PRKG1: variants seen among roughly 807,000 people sequenced by gnomAD.
The protein encoded by PRKG1 is cGMP-dependent protein kinase 1.
A neutral mutation model predicts 88.1 loss-of-function variants in PRKG1; 35 were observed. That is an observed-to-expected ratio of 0.40 (90% CI 0.30 to 0.53). The LOEUF is 0.53. PRKG1 is among the 20% of genes least tolerant of loss of function. The pLI is 0.59. For synonymous variants in PRKG1, 303 were observed against 292.5 expected (o/e 1.04, Z -0.37); for missense variants, 540 against 839.8 (o/e 0.64, Z 4.41).
At chr10:51,829,496 A>G (rs1589328517) in intron 4 of PRKG1, among the ~76,000 whole-genome samples, 1 of 152,200 alleles carries the variant, frequency 6.6e-6, no homozygotes, top group African/African-American at 2.4e-5. Context: ...TTTAACAGCA[A>G]TAAGGAAAAT....
chr10:51,205,157 T>TTTTTTTTTTTTTTTTTTTTTTTGTTTG (rs1838022813), intron 2 of PRKG1, among the ~76,000 whole-genome samples: 1 of 128,066 alleles, frequency 7.8e-6, no homozygotes, highest in Admixed American at 7.8e-5. Flanking sequence ...TTTTTTTTTT[T>TTTTTTTTTTTTTTTTTTTTTTTGTTTG]GAGACAGAGT....
At chr10:51,570,797 A>C (rs751836331) in intron 3 of PRKG1, among the ~76,000 whole-genome samples, 19 of 152,004 alleles carry the variant, frequency 1.2e-4, no homozygotes, top group Non-Finnish European at 2.4e-4. Context: ...AAAAGAAATG[A>C]GATCACTTCT....
At chr10:52,081,015 C>G (rs116738831) in intron 7 of PRKG1, among the ~76,000 whole-genome samples, 2,655 of 149,434 alleles carry the variant, frequency 0.018, 98 homozygotes, top group African/African-American at 0.064. Context: ...CAACTTCTCC[C>G]TGTGTTCAGT....
chr10:52,172,774 G>C (rs1362461474), intron 9 of PRKG1, among the ~76,000 whole-genome samples: 2 of 152,202 alleles, frequency 1.3e-5, no homozygotes, highest in African/African-American at 4.8e-5. Flanking sequence ...AGCAAGGCTA[G>C]AAGTGCTGAA....
intron 1 of PRKG1, among the ~76,000 whole-genome samples, chr10:51,120,982 A>G (rs1564608234): frequency 6.6e-6 from 1 of 152,156 alleles, no homozygotes; most frequent in Admixed American, 6.6e-5. Context: ...GCTCTAGCAA[A>G]GAATCTGTTC....
intron 1 of PRKG1, among the ~76,000 whole-genome samples, chr10:51,041,187 T>A (rs1843415621): frequency 6.6e-6 from 1 of 152,104 alleles, no homozygotes; most frequent in Non-Finnish European, 1.5e-5. Context: ...TTGTGGTGAA[T>A]GATGCCAGGC....
chr10:50,995,761 G>A (rs926746076), intron 1 of PRKG1, among the ~76,000 whole-genome samples: 5 of 152,162 alleles, frequency 3.3e-5, no homozygotes. Flanking sequence ...TTTAAGGAAA[G>A]GCTAGAATCA....
intron 1 of PRKG1, among the ~76,000 whole-genome samples, chr10:51,152,146 T>C (rs1431277474): frequency 2.0e-5 from 3 of 152,096 alleles, no homozygotes; most frequent in South Asian, 2.1e-4. Context: ...TTTGCATTCT[T>C]AGAAAGTCAT....
chr10:51,248,957 A>C lies in PRKG1; in HGVS notation c.478+95627A>C, dbSNP rs190946498. ...TGAGAAATTGGTGATTGAGTAATCA[A>C]GACCCCGGTCAGATTACAGACAAAA... On this transcript the variant is annotated intron_variant, in intron 2 of 17. Coordinates refer to ENST00000373980, the MANE Select transcript of PRKG1 (RefSeq NM_006258.4). 3.3e-5 allele frequency among the ~76,000 whole-genome samples: 5 copies of C among 151,966 alleles called. No individual in the cohort carries two copies. The East Asian group carries it at 9.6e-4, about 29-fold the overall frequency.
chr10:51,636,413 C>A (rs1190043667), intron 3 of PRKG1, among the ~76,000 whole-genome samples: 1 of 152,226 alleles, frequency 6.6e-6, no homozygotes, highest in African/African-American at 2.4e-5. Flanking sequence ...TTATTCTGTT[C>A]ATGTTTTATT....
intron 5 of PRKG1, among the ~76,000 whole-genome samples, chr10:52,024,861 G>A (rs1845292075): frequency 6.6e-6 from 1 of 152,044 alleles, no homozygotes; most frequent in African/African-American, 2.4e-5. Context: ...GAGATCGCTG[G>A]GTCAAATGGT....
intron 3 of PRKG1, among the ~76,000 whole-genome samples, chr10:51,750,608 T>C (rs966391275): frequency 5.3e-5 from 8 of 152,206 alleles, no homozygotes; most frequent in Non-Finnish European, 1.0e-4. Flanking sequence ...CATGAAGTAG[T>C]GCATCAAGAT....
chr10:51,819,315 C>T (rs1471795565), intron 4 of PRKG1, among the ~76,000 whole-genome samples: 3 of 152,044 alleles, frequency 2.0e-5, no homozygotes, highest in Non-Finnish European at 4.4e-5. Flanking sequence ...ACCCTTTTCC[C>T]ATCCTGCCCA....
chr10:51,564,072 G>GA (rs1337211505), intron 3 of PRKG1, among the ~76,000 whole-genome samples: 3 of 151,932 alleles, frequency 2.0e-5, no homozygotes, highest in South Asian at 2.1e-4. Flanking sequence ...TTTTTCTTAG[G>GA]AAAAAACTAT....
At chr10:51,420,023 C>T (rs1838364188) in intron 2 of PRKG1, among the ~76,000 whole-genome samples, 2 of 152,072 alleles carry the variant, frequency 1.3e-5, no homozygotes, top group Admixed American at 1.3e-4. Context: ...GGCTCCTCTT[C>T]CATTCTGGGA....
intron 7 of PRKG1, among the ~76,000 whole-genome samples, chr10:52,092,811 A>G (rs1847086727): frequency 6.6e-6 from 1 of 152,226 alleles, no homozygotes; most frequent in Non-Finnish European, 1.5e-5. Flanking sequence ...GATTGTTAAG[A>G]ACTCAAGATA....
chr10:51,610,003 AT>A (rs77912956), intron 3 of PRKG1, among the ~76,000 whole-genome samples: 14 of 152,200 alleles, frequency 9.2e-5, no homozygotes, highest in East Asian at 5.8e-4. Context: ...TTAAAAAAAA[AT>A]TTTTTTGATC....
chr10:51,068,005 C>T (rs1843775594), intron 1 of PRKG1, among the ~76,000 whole-genome samples: 1 of 151,966 alleles, frequency 6.6e-6, no homozygotes, highest in Admixed American at 6.5e-5. Context: ...TAGGCAAGGC[C>T]AATGATAATG....
At chr10:51,484,191 G>A (rs897901912) in intron 3 of PRKG1, among the ~76,000 whole-genome samples, 1 of 152,078 alleles carries the variant, frequency 6.6e-6, no homozygotes, top group Non-Finnish European at 1.5e-5. Flanking sequence ...GTTTCAACCT[G>A]CACTTGCCTT....
Sources: allele counts gnomAD v4.1 joint callset (sites outside exome capture counted in the v4.1 genomes callset), GRCh38; gene constraint gnomAD v4.1.1; transcripts MANE v1.5; gene names NCBI Gene and HGNC (gene_info 2026-07-23, HGNC 2026-07-21).